MAGI2: variants seen among roughly 807,000 people sequenced by gnomAD.
The protein encoded by MAGI2 is membrane associated guanylate kinase, WW and PDZ domain containing 2.
MAGI2 carries 35 observed loss-of-function variants against 133.3 expected under a neutral mutation model. The ratio of observed to expected loss-of-function variants is 0.26; its 90% confidence interval spans 0.20 to 0.35. The LOEUF is 0.35. Ranked by LOEUF, MAGI2 falls within the 10% of genes least tolerant of loss-of-function variation. MAGI2 has a pLI of 1.00. For missense variants in MAGI2, 1,636 were observed against 1,863.4 expected (o/e 0.88, Z 2.25); for synonymous variants, 729 against 710.6 (o/e 1.03, Z -0.41).
chr7:79,116,989 A>G (rs991025981), intron 1 of MAGI2, among the ~76,000 whole-genome samples: 1 of 152,188 alleles, frequency 6.6e-6, no homozygotes, highest in African/African-American at 2.4e-5. Flanking sequence ...ACAACAACAG[A>G]AAAATGGGCT....
intron 2 of MAGI2, among the ~76,000 whole-genome samples, chr7:78,858,070 T>A (rs911940633): frequency 1.1e-4 from 16 of 152,196 alleles, no homozygotes; most frequent in Non-Finnish European, 2.4e-4. Flanking sequence ...CTGATGGTAG[T>A]TTGTATTTCT....
At chr7:78,904,649 T>G (rs1327182722) in intron 2 of MAGI2, among the ~76,000 whole-genome samples, 3 of 151,222 alleles carry the variant, frequency 2.0e-5, no homozygotes, top group Non-Finnish European at 4.4e-5. Flanking sequence ...ACTACAGACA[T>G]GTGTCAACAC....
intron 2 of MAGI2, among the ~76,000 whole-genome samples, chr7:78,885,597 G>C (rs967559810): frequency 7.5e-6 from 1 of 133,684 alleles, no homozygotes; most frequent in Non-Finnish European, 1.8e-5. Flanking sequence ...TCTGCTCAGA[G>C]GGCAACTGAG....
intron 1 of MAGI2, among the ~76,000 whole-genome samples, chr7:79,372,954 C>T (rs1287758740): frequency 6.6e-6 from 1 of 151,976 alleles, no homozygotes; most frequent in Non-Finnish European, 1.5e-5. Context: ...ACATCAAACT[C>T]TTCTGGTTGA....
intron 1 of MAGI2, among the ~76,000 whole-genome samples, chr7:79,426,640 T>C (rs1229975513): frequency 6.6e-6 from 1 of 152,172 alleles, no homozygotes; most frequent in Non-Finnish European, 1.5e-5. Context: ...GGCATTTATA[T>C]CCTATCTCTA....
chr7:79,112,640 A>G (rs1425452124), intron 1 of MAGI2, among the ~76,000 whole-genome samples: 2 of 152,224 alleles, frequency 1.3e-5, no homozygotes, highest in Non-Finnish European at 2.9e-5. Flanking sequence ...TGCCCATATT[A>G]AATTTGTGCT....
intron 6 of MAGI2, among the ~76,000 whole-genome samples, chr7:78,375,646 A>T (rs888154312): frequency 1.3e-5 from 2 of 152,178 alleles, no homozygotes; most frequent in African/African-American, 4.8e-5. Flanking sequence ...ACAAAAGAAA[A>T]TAAGGAACAT....
At chr7:78,263,532 T>C (rs1165458280) in intron 9 of MAGI2, among the ~76,000 whole-genome samples, 1 of 152,158 alleles carries the variant, frequency 6.6e-6, no homozygotes, top group Non-Finnish European at 1.5e-5. Flanking sequence ...AGTGAGCTTG[T>C]GGGGTAATGG....
At chr7:78,567,181 C>A (rs886801061) in intron 3 of MAGI2, among the ~76,000 whole-genome samples, 1 of 152,146 alleles carries the variant, frequency 6.6e-6, no homozygotes, top group Non-Finnish European at 1.5e-5. Flanking sequence ...GAAACCTTGA[C>A]ATTCAAGTTT....
chr7:78,071,827 T>C (rs1814744315), intron 21 of MAGI2, among the ~76,000 whole-genome samples: 1 of 152,228 alleles, frequency 6.6e-6, no homozygotes, highest in Non-Finnish European at 1.5e-5. Flanking sequence ...CAACCGTGAA[T>C]GTCAGAAGCT....
intron 21 of MAGI2, among the ~76,000 whole-genome samples, chr7:78,049,273 C>T (rs1039731665): frequency 2.0e-5 from 3 of 152,170 alleles, no homozygotes; most frequent in African/African-American, 7.2e-5. Flanking sequence ...CATTACCAGT[C>T]TCATTAGTAA....
chr7:78,940,339 G>A (rs1800866466), intron 2 of MAGI2: 1 of 152,102 alleles, frequency 6.6e-6, no homozygotes, highest in African/African-American at 2.4e-5. Context: ...ACACAGTCAT[G>A]TATAATTATT....
At chr7:78,233,353 G>A (rs1188570839) in intron 10 of MAGI2, among the ~76,000 whole-genome samples, 1 of 152,096 alleles carries the variant, frequency 6.6e-6, no homozygotes, top group Non-Finnish European at 1.5e-5. Context: ...CGGAAGCCAC[G>A]GGAGGAAAGA....
chr7:79,035,201 TGTGTGGTGGCGGCGGGGGCAGGGGGG>T, intron 1 of MAGI2, among the ~76,000 whole-genome samples: 1 of 131,674 alleles, frequency 7.6e-6, no homozygotes, highest in Non-Finnish European at 1.6e-5. Flanking sequence ...TGTGTGTGTG[TGTGTGGTGGCGGCGGGGGCAGGGGGG>T]GTGGTGGGCC....
intron 10 of MAGI2, among the ~76,000 whole-genome samples, chr7:78,206,369 G>T (rs1393524823): frequency 1.4e-5 from 2 of 146,762 alleles, no homozygotes; most frequent in South Asian, 2.1e-4. Context: ...TTGGCTCACT[G>T]CAACCTCCGC....
chr7:79,055,596 T>C (rs7778014), intron 1 of MAGI2, among the ~76,000 whole-genome samples: 68,650 of 151,890 alleles, frequency 0.45, 16,946 homozygotes, highest in African/African-American at 0.66. Context: ...CTTATTTATT[T>C]ATTGTATACA....
At chr7:78,812,808 T>C (rs921096058) in intron 2 of MAGI2, among the ~76,000 whole-genome samples, 2 of 152,178 alleles carry the variant, frequency 1.3e-5, no homozygotes, top group Non-Finnish European at 2.9e-5. Context: ...TAGGTTGAAA[T>C]GGGACTGATG....
At chr7:78,461,403 T>TGC (rs1554423792) in intron 6 of MAGI2, among the ~76,000 whole-genome samples, 64 of 126,516 alleles carry the variant, frequency 5.1e-4, no homozygotes, top group Non-Finnish European at 1.0e-3. Context: ...CGTGTGTGTG[T>TGC]GTGTGTGTGT....
intron 1 of MAGI2, among the ~76,000 whole-genome samples, chr7:79,048,410 T>C (rs1812369799): frequency 6.6e-6 from 1 of 152,206 alleles, no homozygotes; most frequent in Admixed American, 6.5e-5. Context: ...GTTGTGTGAA[T>C]GGTATTTGAC....
Sources: gnomAD v4.1 joint callset for allele counts (sites outside exome capture counted in the v4.1 genomes callset) on GRCh38, gnomAD v4.1.1 for gene constraint, MANE v1.5 for transcripts, NCBI Gene and HGNC (gene_info 2026-07-23, HGNC 2026-07-21) for gene names.